Variants in C8orf34 observed in about 807,000 individuals in gnomAD.
C8orf34 encodes uncharacterized protein C8orf34.
A neutral mutation model predicts 68.3 loss-of-function variants in C8orf34; 65 were observed. The ratio of observed to expected loss-of-function variants is 0.95; its 90% CI spans 0.78 to 1.17. The LOEUF (loss-of-function observed/expected upper bound fraction) is 1.17, where lower values mean the gene tolerates loss of function less well. C8orf34 is among the 50% of genes most tolerant of loss of function. The probability of loss-of-function intolerance (pLI) is 0.00; values close to 1 mark genes in which losing one functional copy is unlikely to be tolerated. For synonymous variants in C8orf34, 244 were observed against 241.2 expected (o/e 1.01, Z -0.11); for missense variants, 664 against 655.4 (o/e 1.01, Z -0.14).
chr8:68,431,727 C>T (rs568340219), intron 1 of C8orf34, among the ~76,000 whole-genome samples: 1 of 152,244 alleles, frequency 6.6e-6, no homozygotes, highest in South Asian at 2.1e-4. Flanking sequence ...AATATTGCAT[C>T]ATTTGTCATA....
chr8:68,741,734 G>T (rs534799121), intron 10 of C8orf34, among the ~76,000 whole-genome samples: 2 of 151,920 alleles, frequency 1.3e-5, no homozygotes, highest in Admixed American at 1.3e-4. Context: ...TTTGTCTTTT[G>T]GTGCCTGGCT....
At chr8:68,419,555 AT>A (rs1407029883) in intron 1 of C8orf34, among the ~76,000 whole-genome samples, 1 of 151,950 alleles carries the variant, frequency 6.6e-6, no homozygotes, top group Non-Finnish European at 1.5e-5. Flanking sequence ...ATTATTCACA[AT>A]AGCAAAGACT....
chr8:68,647,291 G>C (rs1819205357), intron 8 of C8orf34, among the ~76,000 whole-genome samples: 1 of 152,078 alleles, frequency 6.6e-6, no homozygotes, highest in African/African-American at 2.4e-5. Flanking sequence ...AGATGAAAGA[G>C]GAAAGATAAC....
In C8orf34 at chr8:68,567,577, C is replaced by CTTTTTTTTTTTTTTTTTTT. The variant is rs1160845483; in HGVS notation, c.1105+34445_1105+34463dup. Among the ~76,000 whole-genome samples, 27 of 29,792 alleles carry CTTTTTTTTTTTTTTTTTTT rather than the reference C, an allele frequency of 9.1e-4. 6 individuals are homozygous for CTTTTTTTTTTTTTTTTTTT. Among genetic ancestry groups the CTTTTTTTTTTTTTTTTTTT allele is most frequent in the Admixed American group, 1.9e-3 (3 of 1,572 alleles). The allele number at this position is 29,792 out of a possible 152,430, so 19.5% of individuals were successfully genotyped here. A position where few individuals can be genotyped will look rare whatever the true frequency, so the allele number is the denominator to read the frequency against. ...TCTTTTCAAATTTTGTTTCATTTAT[C>CTTTTTTTTTTTTTTTTTTT]TTTTTTTTTTTTTTTTTTTTTTTTT... On this transcript the variant is annotated intron_variant, in intron 7 of 13. Transcript: ENST00000518698.
rs139671952 is a variant in C8orf34 at position 68,361,623 on chromosome 8, G to C, written c.327+30284G>C. Among the ~76,000 whole-genome samples the C allele has an allele frequency of 2.2e-4, 33 of 152,292 alleles. No individual in the cohort carries two copies. In the East Asian group the frequency reaches 5.8e-3, roughly 27 times the overall value. ...CATTTTCCATTTCTGTTGTGCTTAT[G>C]AGCTATTGCACCCATTTCTGTGGTT... On this transcript the variant is annotated intron_variant, in intron 1 of 13. Transcript: ENST00000518698.
At chr8:68,607,479 C>T (rs1290920158) in intron 7 of C8orf34, among the ~76,000 whole-genome samples, 1 of 152,036 alleles carries the variant, frequency 6.6e-6, no homozygotes, top group Non-Finnish European at 1.5e-5. Context: ...TCTAAGGACA[C>T]CAGTGACACT....
intron 1 of C8orf34, among the ~76,000 whole-genome samples, chr8:68,379,112 AC>A (rs777756246): frequency 6.6e-6 from 1 of 152,244 alleles, no homozygotes; most frequent in Non-Finnish European, 1.5e-5. Context: ...CATGCACATT[AC>A]TTATATTAAT....
intron 8 of C8orf34, among the ~76,000 whole-genome samples, chr8:68,646,412 T>C (rs970157650): frequency 6.6e-6 from 1 of 152,174 alleles, no homozygotes; most frequent in African/African-American, 2.4e-5. Context: ...TTTTATGGAA[T>C]GATTAAATCA....
At position 68,604,820 on chromosome 8, in the gene C8orf34, A is replaced by C. The variant is rs905719638; in HGVS notation, c.1106-35556A>C. The stretch of plus-strand genomic sequence containing the variant: ...GGTGATAACGTTTTGATACAATACC[A>C]AAGGCACAATCTATGAAAAGAAGAA... On this transcript the variant is annotated intron_variant, in intron 7 of 13. Coordinates refer to ENST00000518698, the MANE Select transcript of C8orf34 (RefSeq NM_052958.4). Among the ~76,000 whole-genome samples, 2 of 152,158 alleles carry C rather than the reference A, an allele frequency of 1.3e-5. 1 individual carries two copies. Among genetic ancestry groups the C allele is most frequent in the South Asian group, 4.1e-4 (2 of 4,836 alleles).
At chr8:68,744,594 C>A (rs1822419874) in intron 10 of C8orf34, among the ~76,000 whole-genome samples, 1 of 151,860 alleles carries the variant, frequency 6.6e-6, no homozygotes, top group African/African-American at 2.4e-5. Flanking sequence ...AATGCAGAAG[C>A]CTCAGGAGCC....
Position 68,446,491 on chromosome 8 carries a change from A to C in C8orf34, c.607+31A>C, listed in dbSNP as rs768936066. On this transcript the variant is annotated intron_variant, in intron 3 of 13. Coordinates refer to ENST00000518698, the MANE Select transcript of C8orf34 (RefSeq NM_052958.4). ...GAAGTCTCTTATTCAAATGCTATTC[A>C]AAGCATGTAAGTTTATGTTGTTAAG... 4 of 1,592,862 alleles carry C rather than the reference A, an allele frequency of 2.5e-6. No homozygotes were observed. In the Admixed American group the frequency reaches 5.5e-5, roughly 22 times the overall value.
intron 10 of C8orf34, among the ~76,000 whole-genome samples, chr8:68,767,588 A>G (rs1823217378): frequency 6.6e-6 from 1 of 152,246 alleles, no homozygotes; most frequent in African/African-American, 2.4e-5. Flanking sequence ...AATTATCCAG[A>G]AATAAGATAA....
chr8:68,470,409 A>G (rs1202083589), intron 4 of C8orf34, among the ~76,000 whole-genome samples: 1 of 152,102 alleles, frequency 6.6e-6, no homozygotes, highest in African/African-American at 2.4e-5. Flanking sequence ...TTCACTTGTT[A>G]TACTGTTTTT....
chr8:68,497,810 A>G (rs28380522), intron 5 of C8orf34, among the ~76,000 whole-genome samples: 57,877 of 150,976 alleles, frequency 0.38, 11,332 homozygotes, highest in African/African-American at 0.43. Context: ...GAAAATATAG[A>G]TACATATTTG....
At chr8:68,369,911 G>A (rs912086207) in intron 1 of C8orf34, among the ~76,000 whole-genome samples, 11 of 152,192 alleles carry the variant, frequency 7.2e-5, no homozygotes, top group Non-Finnish European at 1.0e-4. Flanking sequence ...TGTACTGCCT[G>A]CAGAGTCTTC....
Position 68,420,772 on chromosome 8 carries a change from G to A in C8orf34, c.328-18727G>A, listed in dbSNP as rs141898755. Among the ~76,000 whole-genome samples, 612 of 151,702 alleles carry A rather than the reference G, an allele frequency of 4.0e-3. 9 individuals are homozygous for A. Among genetic ancestry groups the A allele is most frequent in the Admixed American group, 0.021 (325 of 15,250 alleles). ...AACAGAAATCAAGAACTCAAAATACGGGCTTAATAGCAGGATTAAACATAG... is the reference window on the plus strand; with the variant it reads ...AACAGAAATCAAGAACTCAAAATACAGGCTTAATAGCAGGATTAAACATAG... On this transcript the variant is annotated intron_variant, in intron 1 of 13. Coordinates refer to ENST00000518698, the MANE Select transcript of C8orf34 (RefSeq NM_052958.4).
At chr8:68,609,244 T>C (rs1817942871) in intron 7 of C8orf34, among the ~76,000 whole-genome samples, 1 of 152,024 alleles carries the variant, frequency 6.6e-6, no homozygotes, top group Non-Finnish European at 1.5e-5. Flanking sequence ...GAGAGTGGAA[T>C]AGGAGTCAAA....
Position 68,384,280 on chromosome 8 carries a change from G to GATACAT in C8orf34, c.327+52941_327+52942insATACAT, listed in dbSNP as rs538548751. Among the ~76,000 whole-genome samples, 1,437 of 152,224 alleles carry GATACAT rather than the reference G, an allele frequency of 9.4e-3. 7 individuals carry two copies. The highest frequency in any genetic ancestry group is 0.016 in the Non-Finnish European group (1,069 of 68,012). On this transcript the variant is annotated intron_variant, in intron 1 of 13. Coordinates refer to ENST00000518698, the MANE Select transcript of C8orf34 (RefSeq NM_052958.4). ...AATGACAGCAACAGCAAAAACAGTA[G>GATACAT]GTCAAAAGAACATGTATCAATGGCT... is the stretch of plus-strand genomic sequence containing the variant.
intron 7 of C8orf34, among the ~76,000 whole-genome samples, chr8:68,603,924 A>C: frequency 6.6e-6 from 1 of 152,182 alleles, no homozygotes; most frequent in East Asian, 1.9e-4. Context: ...TTTACAGAAA[A>C]ATATTTCTGC....
Sources: allele counts gnomAD v4.1 joint callset (sites outside exome capture counted in the v4.1 genomes callset), GRCh38; gene constraint gnomAD v4.1.1; transcripts MANE v1.5; gene names NCBI Gene and HGNC (gene_info 2026-07-23, HGNC 2026-07-21).